PRKAR2B: variants seen among roughly 807,000 people sequenced by gnomAD.
The protein encoded by PRKAR2B is protein kinase cAMP-dependent type II regulatory subunit beta.
PRKAR2B carries 14 observed loss-of-function variants against 49.9 expected under a neutral mutation model. The observed-to-expected ratio is 0.28, with a 90% CI of 0.19 to 0.44. The LOEUF (loss-of-function observed/expected upper bound fraction) is 0.44. PRKAR2B is among the 20% of genes least tolerant of loss of function. The pLI, the probability that PRKAR2B is intolerant of heterozygous loss-of-function variation, is 1.00. For synonymous variants in PRKAR2B, 196 were observed against 197.7 expected, an observed-to-expected ratio of 0.99 and a Z score of 0.07; for missense variants, 393 against 537.9, an observed-to-expected ratio of 0.73 and a Z score of 2.67.
At chr7:107,106,629 G>A (rs1584432019) in intron 2 of PRKAR2B, among the ~76,000 whole-genome samples, 1 of 152,126 alleles carries the variant, frequency 6.6e-6, no homozygotes, top group African/African-American at 2.4e-5. Flanking sequence ...GGTTTGATTT[G>A]GGGGGCTGAT....
chr7:107,059,904 G>T (rs1237192463), intron 1 of PRKAR2B, among the ~76,000 whole-genome samples: 1 of 152,040 alleles, frequency 6.6e-6, no homozygotes, highest in Admixed American at 6.6e-5. Context: ...GCTTACGGTG[G>T]AGTTTTCCAG....
chr7:107,148,393 A>G (rs926639889), intron 6 of PRKAR2B, among the ~76,000 whole-genome samples: 4 of 152,168 alleles, frequency 2.6e-5, no homozygotes, highest in Non-Finnish European at 5.9e-5. Context: ...GCCCTTGTAG[A>G]AACTTTAATG....
At chr7:107,050,780 G>C (rs1360095962) in intron 1 of PRKAR2B, among the ~76,000 whole-genome samples, 1 of 152,122 alleles carries the variant, frequency 6.6e-6, no homozygotes, top group East Asian at 1.9e-4. Flanking sequence ...TGTGAAACTT[G>C]GAAGGTAGGA....
intron 2 of PRKAR2B, among the ~76,000 whole-genome samples, chr7:107,089,981 T>A (rs1221502605): frequency 1.3e-5 from 2 of 152,254 alleles, no homozygotes; most frequent in African/African-American, 4.8e-5. Flanking sequence ...GTTTTATTCT[T>A]AGTTACTTTT....
chr7:107,140,872 C>T lies in PRKAR2B; in HGVS notation c.506C>T (p.Ala169Val), dbSNP rs1456962757. 1 of 1,611,792 alleles carries T rather than the reference C, an allele frequency of 6.2e-7. No homozygotes were observed. Among genetic ancestry groups the T allele is most frequent in the Non-Finnish European group, 8.5e-7 (1 of 1,178,748 alleles). Residue 169 changes from alanine to valine, a missense_variant, in exon 5 of 11, where the codon GCC becomes GTC. By Grantham distance (64) the Ala-to-Val change is moderately conservative. Transcript: ENST00000265717. ...DPEQMSQVLDAMFEKLVKDGE... is the reference protein window; with the variant it reads ...DPEQMSQVLDVMFEKLVKDGE... ...GAGCAGATGTCTCAAGTATTAGATG[C>T]CATGTTTGAAAAATTGGTCAAAGAT...
At position 107,161,453 on chromosome 7, in the gene PRKAR2B, G is replaced by A. The variant is rs557264636; in HGVS notation, c.*1871G>A. 230 of 152,650 alleles carry A rather than the reference G, an allele frequency of 1.5e-3. 1 individual carries two copies. Among genetic ancestry groups the A allele is most frequent in the African/African-American group, 5.2e-3 (215 of 41,522 alleles). The allele number at this position is 152,650 out of a possible 1,614,324, so 9.5% of individuals were successfully genotyped here. On this transcript the variant is annotated 3_prime_UTR_variant, in exon 11 of 11. Transcript: ENST00000265717. ...TGCCACGTACATTATTTTCAGTATT[G>A]TTGGTTATATTTAAATTTTCCTTAC...
intron 1 of PRKAR2B, 71 bp from the exon 2 acceptor site, chr7:107,070,210 T>C: frequency 8.6e-7 from 1 of 1,166,142 alleles, no homozygotes; most frequent in Non-Finnish European, 1.2e-6. Flanking sequence ...GGTTTACCAA[T>C]TTGAGCCTTT....
intron 1 of PRKAR2B, among the ~76,000 whole-genome samples, chr7:107,058,064 TA>T (rs11409171): frequency 0.08 from 11,146 of 140,072 alleles, 522 homozygotes; most frequent in South Asian, 0.19. Flanking sequence ...GAAAAAAAAG[TA>T]AAAAAAAAAA....
At chr7:107,122,147 A>C (rs1795401032) in intron 3 of PRKAR2B, 143 bp downstream of exon 3, 3 of 480,514 alleles carry the variant, frequency 6.2e-6, no homozygotes, top group East Asian at 3.4e-5. Context: ...TCCTAGTCTC[A>C]TCTCCAATAG....
At chr7:107,102,655 T>C (rs991547815) in intron 2 of PRKAR2B, among the ~76,000 whole-genome samples, 1 of 152,168 alleles carries the variant, frequency 6.6e-6, no homozygotes, top group African/African-American at 2.4e-5. Context: ...AATATATTTA[T>C]AAAGGAAGAA....
chr7:107,093,392 T>A (rs2116802983), intron 2 of PRKAR2B, among the ~76,000 whole-genome samples: 1 of 152,338 alleles, frequency 6.6e-6, no homozygotes, highest in South Asian at 2.1e-4. Flanking sequence ...TATTTTGGTT[T>A]TTTGATAATA....
At chr7:107,122,079 A>T (rs1795399131) in intron 3 of PRKAR2B, 75 bp downstream of exon 3, 1 of 1,031,614 alleles carries the variant, frequency 9.7e-7, no homozygotes, top group African/African-American at 1.6e-5. Context: ...CATAGAAAAG[A>T]TTTAACAGGC....
At chr7:107,088,117 T>C (rs1475875677) in intron 2 of PRKAR2B, among the ~76,000 whole-genome samples, 1 of 152,174 alleles carries the variant, frequency 6.6e-6, no homozygotes, top group Non-Finnish European at 1.5e-5. Flanking sequence ...AAACGAAAAC[T>C]GAGGCACAGA....
At chr7:107,150,883 AC>A in intron 6 of PRKAR2B, 38 bp from the exon 7 acceptor site, 1 of 1,019,090 alleles carries the variant, frequency 9.8e-7, no homozygotes, top group South Asian at 1.4e-5. Context: ...GTATAGCTTT[AC>A]CCCCATAAAA....
chr7:107,149,284 G>A (rs1209142117), intron 6 of PRKAR2B, among the ~76,000 whole-genome samples: 2 of 152,150 alleles, frequency 1.3e-5, no homozygotes, highest in East Asian at 1.9e-4. Flanking sequence ...CCAAATTACA[G>A]CCAATACCAA....
chr7:107,119,923 T>TA (rs1453680789), intron 2 of PRKAR2B, among the ~76,000 whole-genome samples: 2 of 152,208 alleles, frequency 1.3e-5, no homozygotes, highest in African/African-American at 2.4e-5. Context: ...GTCCAGGAAT[T>TA]ACGCGGGTAA....
At chr7:107,046,607 A>G (rs1378803798) in intron 1 of PRKAR2B, among the ~76,000 whole-genome samples, 1 of 152,184 alleles carries the variant, frequency 6.6e-6, no homozygotes, top group Admixed American at 6.5e-5. Context: ...TTCTTTTTGC[A>G]CAAGAATCGA....
intron 2 of PRKAR2B, among the ~76,000 whole-genome samples, chr7:107,084,791 T>G (rs770083251): frequency 4.6e-5 from 7 of 151,994 alleles, no homozygotes; most frequent in Admixed American, 6.6e-5. Context: ...GGCTAATTTT[T>G]TTTTTGTATT....
intron 2 of PRKAR2B, among the ~76,000 whole-genome samples, chr7:107,083,185 C>T (rs1360504125): frequency 6.6e-6 from 1 of 151,108 alleles, no homozygotes; most frequent in African/African-American, 2.4e-5. Flanking sequence ...CTACTACGCT[C>T]CAGCCTGGGC....
Sources: allele counts gnomAD v4.1 joint callset (sites outside exome capture counted in the v4.1 genomes callset), GRCh38; gene constraint gnomAD v4.1.1; transcripts MANE v1.5; gene names NCBI Gene and HGNC (gene_info 2026-07-23, HGNC 2026-07-21).